CRB1: variants seen among roughly 807,000 people sequenced by gnomAD.
The protein encoded by CRB1 is protein crumbs homolog 1.
CRB1 carries 83 observed loss-of-function variants against 120.0 expected under a neutral mutation model. The ratio of observed to expected loss-of-function variants is 0.69; its 90% confidence interval spans 0.58 to 0.83. The LOEUF (loss-of-function observed/expected upper bound fraction) is 0.83, where lower values mean the gene tolerates loss of function less well. CRB1 is among the 40% of genes least tolerant of loss of function. The pLI is 0.00. For missense variants in CRB1, 1,699 were observed against 1,687.6 expected, an observed-to-expected ratio of 1.01 and a Z score of -0.12; for synonymous variants, 625 against 612.5, an observed-to-expected ratio of 1.02 and a Z score of -0.30.
intron 5 of CRB1, chr1:197,364,070 G>GGGGCTGCTGAGGCGGGCAGATCCGTGGGT: frequency 7.6e-7 from 1 of 1,312,198 alleles, no homozygotes; most frequent in South Asian, 1.3e-5. Context: ...GATCCGTGGC[G>GGGGCTGCTGAGGCGGGCAGATCCGTGGGT]GGGCTGCTGA....
At chr1:197,262,156 C>A in the CRB1 span, among the ~76,000 whole-genome samples, 1 of 151,992 alleles carries the variant, frequency 6.6e-6, no homozygotes, top group Non-Finnish European at 1.5e-5. Flanking sequence ...ATATAATATA[C>A]CTTTTGTATA....
At position 197,268,391 on chromosome 1, in the gene CRB1, A is replaced by G; in HGVS notation, c.-22A>G. 1 of 1,575,338 alleles carries G rather than the reference A, an allele frequency of 6.3e-7. No individual in the cohort carries two copies. Among genetic ancestry groups the G allele is most frequent in the Non-Finnish European group, 8.7e-7 (1 of 1,144,982 alleles). On this transcript the variant is annotated 5_prime_UTR_variant, in exon 1 of 12. Transcript: ENST00000367400. ...GACCAGACCACCAGCAACACACCAG[A>G]GGATGTTCTCTAAATAAGACCATGG...
chr1:197,241,051 G>GT, the CRB1 span, among the ~76,000 whole-genome samples: 1 of 152,116 alleles, frequency 6.6e-6, no homozygotes, highest in South Asian at 2.1e-4. Flanking sequence ...GGGGTTGTTT[G>GT]TTTTTTTCTT....
At chr1:197,280,214 G>C (rs1405772050) in intron 1 of CRB1, among the ~76,000 whole-genome samples, 1 of 151,688 alleles carries the variant, frequency 6.6e-6, no homozygotes, top group Non-Finnish European at 1.5e-5. Context: ...GATACAGCAT[G>C]GAAACTCTGC....
chr1:197,259,218 T>C, the CRB1 span, among the ~76,000 whole-genome samples: 2 of 152,312 alleles, frequency 1.3e-5, no homozygotes, highest in Admixed American at 1.3e-4. Context: ...GTTTTAAAGA[T>C]ACATGCATAC....
At chr1:197,299,895 G>A (rs867593564) in intron 1 of CRB1, among the ~76,000 whole-genome samples, 21 of 151,540 alleles carry the variant, frequency 1.4e-4, no homozygotes, top group Middle Eastern at 3.4e-3. Context: ...CTCAGTTTGT[G>A]TCTCGGTGTC....
intron 5 of CRB1, among the ~76,000 whole-genome samples, chr1:197,361,764 T>C (rs183939870): frequency 1.3e-4 from 20 of 152,136 alleles, no homozygotes; most frequent in Admixed American, 1.2e-3. Flanking sequence ...TTTACTGATT[T>C]TTTTTAAAAA....
chr1:197,338,288 C>T (rs975882174), intron 2 of CRB1, among the ~76,000 whole-genome samples: 2 of 151,878 alleles, frequency 1.3e-5, no homozygotes, highest in African/African-American at 4.8e-5. Flanking sequence ...ATATTACTAT[C>T]TTGTAAATTT....
At chr1:197,366,062 T>C (rs1273355214) in intron 5 of CRB1, among the ~76,000 whole-genome samples, 1 of 152,014 alleles carries the variant, frequency 6.6e-6, no homozygotes, top group East Asian at 1.9e-4. Flanking sequence ...TTTTAATGGC[T>C]TCAGGTAGAA....
In CRB1 at chr1:197,421,623, C is replaced by T. The variant is rs1189788323; in HGVS notation, c.1795C>T (p.Leu599Phe). ...EKCIAKAPTP[L>F]ESDQSICAFQ... ...ATGCATCGCGAAAGCTCCTACTCCACTTGAAAGTGATCAATCAATATGTGC... is the reference window on the plus strand; with the variant it reads ...ATGCATCGCGAAAGCTCCTACTCCATTTGAAAGTGATCAATCAATATGTGC... Residue 599 changes from leucine (L) to phenylalanine (F), a missense_variant, in exon 6 of 12, where the codon CTT becomes TTT. Transcript: ENST00000367400. 9 of 1,614,114 alleles carry T rather than the reference C, an allele frequency of 5.6e-6. No homozygotes were observed. Among genetic ancestry groups the T allele is most frequent in the Non-Finnish European group, 7.6e-6 (9 of 1,180,050 alleles).
intron 5 of CRB1, among the ~76,000 whole-genome samples, chr1:197,416,682 T>A (rs1014354301): frequency 6.6e-6 from 1 of 151,934 alleles, no homozygotes; most frequent in African/African-American, 2.4e-5. Context: ...TTTTGAAAGG[T>A]TTATACTTTT....
intron 1 of CRB1, among the ~76,000 whole-genome samples, chr1:197,301,024 G>GA (rs200109663): frequency 0.43 from 63,368 of 147,108 alleles, 15,029 homozygotes; most frequent in East Asian, 0.85. Context: ...TAATGCTCAG[G>GA]AAAAAAAAAA....
chr1:197,364,807 T>C (rs1159781674), intron 5 of CRB1, among the ~76,000 whole-genome samples: 1 of 152,222 alleles, frequency 6.6e-6, no homozygotes, highest in Non-Finnish European at 1.5e-5. Context: ...TGTAATTGCT[T>C]TTTAAATCAT....
At chr1:197,399,465 A>G (rs1301148271) in intron 5 of CRB1, among the ~76,000 whole-genome samples, 1 of 152,202 alleles carries the variant, frequency 6.6e-6, no homozygotes, top group Non-Finnish European at 1.5e-5. Flanking sequence ...TCTGCTAGCC[A>G]TAGTCTGTGT....
At chr1:197,468,844 A>G (rs1022257633) in intron 11 of CRB1, among the ~76,000 whole-genome samples, 5 of 152,232 alleles carry the variant, frequency 3.3e-5, no homozygotes, top group African/African-American at 1.2e-4. Context: ...TGCAAAGTAC[A>G]GAGAAAGTTT....
chr1:197,277,732 G>T (rs1470033068), intron 1 of CRB1, among the ~76,000 whole-genome samples: 2 of 151,854 alleles, frequency 1.3e-5, no homozygotes, highest in Non-Finnish European at 2.9e-5. Context: ...TACAGATTCT[G>T]GCTCTGGCCC....
intron 9 of CRB1, among the ~76,000 whole-genome samples, chr1:197,436,116 A>C (rs940469489): frequency 6.6e-6 from 1 of 152,110 alleles, no homozygotes; most frequent in Non-Finnish European, 1.5e-5. Context: ...ATCCACATTT[A>C]ACTTTTAACT....
At chr1:197,253,886 G>GA in the CRB1 span, among the ~76,000 whole-genome samples, 65 of 151,260 alleles carry the variant, frequency 4.3e-4, no homozygotes, top group African/African-American at 1.4e-3. Flanking sequence ...AGCCAACTGA[G>GA]AAAAAAAAAT....
At chr1:197,463,487 TG>T (rs1489453484) in intron 11 of CRB1, among the ~76,000 whole-genome samples, 27 of 152,338 alleles carry the variant, frequency 1.8e-4, no homozygotes, top group Non-Finnish European at 3.1e-4. Context: ...TCTTTCAGTC[TG>T]CAGATATGCC....
Sources: allele counts gnomAD v4.1 joint callset (sites outside exome capture counted in the v4.1 genomes callset), GRCh38; gene constraint gnomAD v4.1.1; transcripts MANE v1.5; gene names NCBI Gene and HGNC (gene_info 2026-07-23, HGNC 2026-07-21).